Variants in RARB observed in about 807,000 individuals in gnomAD.
RARB encodes the protein HBV-activated protein.
RARB carries 17 observed loss-of-function variants against 51.9 expected under a neutral mutation model. That is an observed-to-expected ratio of 0.33 (90% CI 0.22 to 0.49). The LOEUF is 0.49. Ranked by LOEUF, RARB falls within the 20% of genes least tolerant of loss-of-function variation. The pLI is 0.99. For synonymous variants in RARB, 215 were observed against 195.4 expected, an observed-to-expected ratio of 1.10 and a Z score of -0.84; for missense variants, 369 against 550.8, an observed-to-expected ratio of 0.67 and a Z score of 3.30.
At chr3:25,048,485 G>A (rs1698260639) in intron 2 of RARB, among the ~76,000 whole-genome samples, 1 of 151,906 alleles carries the variant, frequency 6.6e-6, no homozygotes, top group South Asian at 2.1e-4. Flanking sequence ...TTCTGTCAAG[G>A]GCTTATTTCA....
intron 2 of RARB, among the ~76,000 whole-genome samples, chr3:25,469,315 A>T (rs1421337565): frequency 6.6e-6 from 1 of 152,238 alleles, no homozygotes; most frequent in African/African-American, 2.4e-5. Flanking sequence ...GGCCATTTAA[A>T]ACCACATTGT....
rs57490387 is a variant in RARB, at chr3:25,590,831, C to G, written c.787-2672C>G. Among the ~76,000 whole-genome samples, 688 of 152,328 alleles carry G rather than the reference C, an allele frequency of 4.5e-3. 11 individuals are homozygous for G. Among genetic ancestry groups the G allele is most frequent in the African/African-American group, 0.016 (654 of 41,570 alleles). Reference sequence around the variant, plus strand: ...ATAACTCCCTGCACAGACAGTATTTCCTAATGTTTCTCCAGGTAGTTGAAG... The same window carrying G: ...ATAACTCCCTGCACAGACAGTATTTGCTAATGTTTCTCCAGGTAGTTGAAG... On this transcript the variant is annotated intron_variant, in intron 5 of 7. Coordinates refer to ENST00000330688, the MANE Select transcript of RARB (RefSeq NM_000965.5).
chr3:25,182,768 C>T (rs1010603822), intron 5 of RARB, among the ~76,000 whole-genome samples: 2 of 152,060 alleles, frequency 1.3e-5, no homozygotes, highest in Admixed American at 6.5e-5. Context: ...GATGTTGAAG[C>T]CTTTACCCCC....
intron 5 of RARB, among the ~76,000 whole-genome samples, chr3:25,354,908 C>T (rs1705686462): frequency 2.0e-5 from 3 of 150,786 alleles, no homozygotes; most frequent in South Asian, 2.1e-4. Flanking sequence ...TTTCCTTTTC[C>T]ATCCAGCATA....
chr3:25,133,679 T>C (rs528455037), intron 4 of RARB, among the ~76,000 whole-genome samples: 1 of 152,088 alleles, frequency 6.6e-6, no homozygotes, highest in South Asian at 2.1e-4. Context: ...CACTTTGTTT[T>C]TCAATACAGC....
chr3:25,017,395 A>T (rs1053538397), intron 2 of RARB, among the ~76,000 whole-genome samples: 23 of 151,310 alleles, frequency 1.5e-4, no homozygotes, highest in African/African-American at 5.7e-4. Context: ...AAAAAGATTA[A>T]AGAAGATTTT....
chr3:25,591,443 T>C (rs1701611161), intron 5 of RARB, among the ~76,000 whole-genome samples: 1 of 152,124 alleles, frequency 6.6e-6, no homozygotes, highest in Non-Finnish European at 1.5e-5. Context: ...TATCTAACCT[T>C]AGAGAGGTGT....
At chr3:25,062,661 A>G (rs1376870906) in intron 3 of RARB, among the ~76,000 whole-genome samples, 1 of 151,962 alleles carries the variant, frequency 6.6e-6, no homozygotes, top group Non-Finnish European at 1.5e-5. Flanking sequence ...AGCCAGTGCA[A>G]AAAAACACAT....
intron 2 of RARB, among the ~76,000 whole-genome samples, chr3:25,045,291 C>T (rs1348180746): frequency 1.3e-5 from 2 of 152,152 alleles, no homozygotes; most frequent in Admixed American, 6.5e-5. Context: ...TTTCTGGTTT[C>T]CCTCTCCCTT....
intron 5 of RARB, among the ~76,000 whole-genome samples, chr3:25,378,305 T>A: frequency 6.6e-6 from 1 of 152,164 alleles, no homozygotes; most frequent in Admixed American, 6.5e-5. Context: ...GGCTCTACAG[T>A]CACCAGCAGA....
intron 2 of RARB, among the ~76,000 whole-genome samples, chr3:24,989,123 G>A (rs1262726986): frequency 3.3e-5 from 5 of 152,292 alleles, no homozygotes; most frequent in African/African-American, 1.2e-4. Flanking sequence ...ACCGCACCCG[G>A]CCCACTTATT....
chr3:25,499,863 CAAT>C (rs1575463152), intron 2 of RARB, among the ~76,000 whole-genome samples: 1 of 152,154 alleles, frequency 6.6e-6, no homozygotes, highest in South Asian at 2.1e-4. Flanking sequence ...GGCAATAAAA[CAAT>C]AATATTTGGG....
At chr3:25,193,692 T>G (rs182173142) in intron 5 of RARB, among the ~76,000 whole-genome samples, 1 of 152,174 alleles carries the variant, frequency 6.6e-6, no homozygotes, top group East Asian at 1.9e-4. Context: ...AGCGACATAT[T>G]TCAACAATTC....
At chr3:25,019,824 C>A (rs1697589848) in intron 2 of RARB, among the ~76,000 whole-genome samples, 1 of 152,138 alleles carries the variant, frequency 6.6e-6, no homozygotes, top group East Asian at 1.9e-4. Context: ...ATGATCTGAG[C>A]TTCAGCTGGC....
intron 5 of RARB, among the ~76,000 whole-genome samples, chr3:25,277,732 G>T (rs768247421): frequency 1.3e-5 from 2 of 152,208 alleles, no homozygotes; most frequent in Non-Finnish European, 2.9e-5. Context: ...TGGCCATTCT[G>T]TGTGGGTCCC....
chr3:25,373,780 G>A (rs1044566233), intron 5 of RARB, among the ~76,000 whole-genome samples: 11 of 152,238 alleles, frequency 7.2e-5, no homozygotes, highest in Non-Finnish European at 1.5e-4. Context: ...ATGTTCTTAT[G>A]GGATACCCAT....
chr3:25,237,422 C>T (rs1224742536), intron 5 of RARB, among the ~76,000 whole-genome samples: 1 of 151,556 alleles, frequency 6.6e-6, no homozygotes. Flanking sequence ...TTCTAAATGC[C>T]ATATGTTATT....
At chr3:25,202,788 T>A (rs1701429786) in intron 5 of RARB, among the ~76,000 whole-genome samples, 3 of 152,224 alleles carry the variant, frequency 2.0e-5, no homozygotes, top group Non-Finnish European at 4.4e-5. Flanking sequence ...GATTGCACTG[T>A]GGTCTGAGAG....
At chr3:24,940,122 G>T (rs972426198) in intron 2 of RARB, among the ~76,000 whole-genome samples, 9 of 152,226 alleles carry the variant, frequency 5.9e-5, no homozygotes, top group African/African-American at 1.9e-4. Flanking sequence ...AAATGTCATT[G>T]TTGGCAGTAA....
Sources: allele counts gnomAD v4.1 joint callset (sites outside exome capture counted in the v4.1 genomes callset), GRCh38; gene constraint gnomAD v4.1.1; transcripts MANE v1.5; gene names NCBI Gene and HGNC (gene_info 2026-07-23, HGNC 2026-07-21).